The following CTNNA2 variants were observed in gnomAD, a reference collection of about 807,000 sequenced individuals.
CTNNA2 encodes catenin alpha-2.
In CTNNA2, 42 loss-of-function variants were observed where a neutral mutation model predicts 101.0. The ratio of observed to expected loss-of-function variants is 0.42; its 90% CI spans 0.32 to 0.54. CTNNA2 has a LOEUF of 0.54. Among genes scored for constraint, CTNNA2 ranks in the 20% least tolerant of loss-of-function variants. The pLI, the probability that CTNNA2 is intolerant of heterozygous loss-of-function variation, is 0.14. For missense variants in CTNNA2, 871 were observed against 1,223.1 expected (o/e 0.71, Z 4.29); for synonymous variants, 450 against 456.4 (o/e 0.99, Z 0.18).
intron 3 of CTNNA2, among the ~76,000 whole-genome samples, chr2:79,326,875 G>A (rs984730861): frequency 6.6e-6 from 1 of 152,136 alleles, no homozygotes; most frequent in Non-Finnish European, 1.5e-5. Flanking sequence ...AGAGGTACAG[G>A]CATAATCAAT....
chr2:79,799,489 T>C (rs1675989878), intron 3 of CTNNA2, among the ~76,000 whole-genome samples: 1 of 152,260 alleles, frequency 6.6e-6, no homozygotes, highest in East Asian at 1.9e-4. Flanking sequence ...ATGAGCCCTA[T>C]TGTATTGTGG....
chr2:79,300,780 C>T lies in CTNNA2; in HGVS notation c.-405-11929C>T, dbSNP rs545436372. On this transcript the variant is annotated intron_variant, in intron 2 of 21. Transcript: ENST00000466387. ...GTCTTTCTGATTTCAGCTATGCCCT[C>T]CTTCTATCTGTATTCCTCATTATTG... is the stretch of plus-strand genomic sequence containing the variant. 6.6e-5 allele frequency among the ~76,000 whole-genome samples: 10 copies of T among 152,290 alleles called. No individual in the cohort carries two copies. The East Asian group carries it at 1.4e-3, about 21-fold the overall frequency.
intron 2 of CTNNA2, among the ~76,000 whole-genome samples, chr2:79,208,587 T>A (rs1461293644): frequency 6.6e-6 from 1 of 152,110 alleles, no homozygotes; most frequent in Non-Finnish European, 1.5e-5. Flanking sequence ...TTGAGGTAAG[T>A]GTGGTGTAAT....
chr2:79,919,892 G>A (rs1686535446), intron 7 of CTNNA2, among the ~76,000 whole-genome samples: 2 of 152,124 alleles, frequency 1.3e-5, no homozygotes, highest in Admixed American at 6.5e-5. Context: ...ACTGGTTGGT[G>A]ATGTCTCTAA....
chr2:79,891,472 C>T (rs1684300406), intron 6 of CTNNA2, among the ~76,000 whole-genome samples: 2 of 152,134 alleles, frequency 1.3e-5, no homozygotes, highest in Non-Finnish European at 2.9e-5. Flanking sequence ...TACAAGTTTT[C>T]CATGGACATT....
At chr2:79,928,923 A>G (rs964134258) in intron 7 of CTNNA2, among the ~76,000 whole-genome samples, 1 of 152,264 alleles carries the variant, frequency 6.6e-6, no homozygotes, top group Non-Finnish European at 1.5e-5. Flanking sequence ...ACCTTGAGGT[A>G]TATATTGTCT....
At chr2:80,214,203 C>T (rs1253870160) in intron 7 of CTNNA2, among the ~76,000 whole-genome samples, 4 of 152,086 alleles carry the variant, frequency 2.6e-5, no homozygotes, top group Non-Finnish European at 2.9e-5. Flanking sequence ...GAGCATTTAG[C>T]CCATTTACAT....
At chr2:80,625,967 C>G (rs912718658) in intron 18 of CTNNA2, among the ~76,000 whole-genome samples, 1 of 151,996 alleles carries the variant, frequency 6.6e-6, no homozygotes, top group East Asian at 1.9e-4. Context: ...GCCATAGAAA[C>G]CTACAGAATT....
At chr2:80,095,720 G>A (rs1287923053) in intron 7 of CTNNA2, among the ~76,000 whole-genome samples, 2 of 152,062 alleles carry the variant, frequency 1.3e-5, no homozygotes, top group East Asian at 1.9e-4. Context: ...CTTCTTCCTG[G>A]TTTAGTCTTG....
intron 7 of CTNNA2, among the ~76,000 whole-genome samples, chr2:79,970,490 G>T (rs1690399116): frequency 1.3e-5 from 2 of 152,070 alleles, no homozygotes; most frequent in African/African-American, 4.8e-5. Flanking sequence ...ATTCTCCTCT[G>T]CTATACCCTG....
At chr2:80,445,368 G>A (rs1260356970) in intron 9 of CTNNA2, among the ~76,000 whole-genome samples, 1 of 151,842 alleles carries the variant, frequency 6.6e-6, no homozygotes, top group South Asian at 2.1e-4. Flanking sequence ...TTTTTGTAGT[G>A]ATGGGGTTTT....
At chr2:79,631,230 T>C (rs1054201542) in intron 1 of CTNNA2, among the ~76,000 whole-genome samples, 2 of 152,234 alleles carry the variant, frequency 1.3e-5, no homozygotes, top group African/African-American at 4.8e-5. Context: ...TCCTTTTATC[T>C]GTCTGTTGAA....
At chr2:79,430,259 C>T (rs1286160261) in intron 4 of CTNNA2, among the ~76,000 whole-genome samples, 3 of 151,908 alleles carry the variant, frequency 2.0e-5, no homozygotes, top group South Asian at 2.1e-4. Flanking sequence ...TTCAAAGGCC[C>T]GAGGGACAAA....
chr2:79,737,604 G>A (rs778809158), intron 2 of CTNNA2, among the ~76,000 whole-genome samples: 19 of 152,090 alleles, frequency 1.2e-4, no homozygotes, highest in Admixed American at 9.2e-4. Context: ...AAATTTTAGC[G>A]TTTCTTATAT....
chr2:80,171,098 C>G (rs984276746), intron 7 of CTNNA2, among the ~76,000 whole-genome samples: 2 of 152,154 alleles, frequency 1.3e-5, no homozygotes, highest in Admixed American at 1.3e-4. Flanking sequence ...CCTTAGTCAT[C>G]CAGCATTTGT....
intron 12 of CTNNA2, among the ~76,000 whole-genome samples, chr2:80,572,245 T>C (rs1330810254): frequency 6.6e-6 from 1 of 152,220 alleles, no homozygotes; most frequent in Non-Finnish European, 1.5e-5. Flanking sequence ...TTTCTCTGAT[T>C]ATGGGTGAAG....
intron 2 of CTNNA2, among the ~76,000 whole-genome samples, chr2:79,198,308 A>G (rs1050782689): frequency 6.6e-6 from 1 of 152,212 alleles, no homozygotes; most frequent in African/African-American, 2.4e-5. Flanking sequence ...TGCATTTTTT[A>G]ATATTTGGTG....
At chr2:79,521,213 G>A (rs369099433) in intron 1 of CTNNA2, among the ~76,000 whole-genome samples, 10 of 144,682 alleles carry the variant, frequency 6.9e-5, no homozygotes, top group African/African-American at 2.6e-4. Context: ...GGCAGCAGAG[G>A]AAGGGGAATA....
At chr2:79,417,941 C>A (rs924996840) in intron 4 of CTNNA2, among the ~76,000 whole-genome samples, 13 of 152,012 alleles carry the variant, frequency 8.6e-5, no homozygotes, top group African/African-American at 3.1e-4. Context: ...GTTGGCCATA[C>A]CACGTGGGAA....
Sources: allele counts gnomAD v4.1 joint callset (sites outside exome capture counted in the v4.1 genomes callset), GRCh38; gene constraint gnomAD v4.1.1; transcripts MANE v1.5; gene names NCBI Gene and HGNC (gene_info 2026-07-23, HGNC 2026-07-21).